The following MYH14 variants were observed in gnomAD, a reference collection of about 807,000 sequenced individuals.
The protein encoded by MYH14 is myosin-14.
In MYH14, 123 loss-of-function variants were observed where a neutral mutation model predicts 255.5. The observed-to-expected ratio is 0.48, with a 90% CI of 0.42 to 0.56. The LOEUF (loss-of-function observed/expected upper bound fraction) is 0.56, where lower values mean the gene tolerates loss of function less well. Among genes scored for constraint, MYH14 ranks in the 20% least tolerant of loss-of-function variants. MYH14 has a pLI of 0.00. For synonymous variants in MYH14, 1,095 were observed against 1,161.2 expected (o/e 0.94, Z 1.16); for missense variants, 2,423 against 2,802.3 (o/e 0.86, Z 3.06).
chr19:50,303,828 G>C (rs2036571131), intron 40 of MYH14, among the ~76,000 whole-genome samples: 1 of 152,144 alleles, frequency 6.6e-6, no homozygotes, highest in Admixed American at 6.5e-5. Context: ...GCAGTAGTAT[G>C]GGGCTGAAAG....
At chr19:50,299,060 C>T (rs1264619449) in intron 39 of MYH14, among the ~76,000 whole-genome samples, 1 of 151,904 alleles carries the variant, frequency 6.6e-6, no homozygotes, top group Non-Finnish European at 1.5e-5. Context: ...CACTGCACTC[C>T]AGTTTGGACA....
Position 50,210,541 on chromosome 19 carries a change from CT to C in MYH14, c.178del (p.Ser60ArgfsTer40). 6.3e-7 allele frequency: 1 copy of C among 1,581,050 alleles called. No individual in the cohort carries two copies. Among genetic ancestry groups the C allele is most frequent in the Admixed American group, 1.8e-5 (1 of 54,978 alleles). ...EWTARRLVWV[P>X]SELHGFEAAA... ...ACGGCCCGGCGTCTCGTGTGGGTGCCTTCGGAGCTTCACGGGTTCGAGGCGG... is the reference window on the plus strand; with the variant it reads ...ACGGCCCGGCGTCTCGTGTGGGTGCCTCGGAGCTTCACGGGTTCGAGGCGG... On this transcript the variant is annotated frameshift_variant, in exon 2 of 43. Transcript: ENST00000642316. LOFTEE classifies it high-confidence loss of function.
chr19:50,261,865 C>T (rs1034157871), intron 21 of MYH14, among the ~76,000 whole-genome samples: 3 of 152,090 alleles, frequency 2.0e-5, no homozygotes, highest in South Asian at 2.1e-4. Context: ...TGGACTTAGC[C>T]GCAGGGTGAC....
At chr19:50,218,127 G>A (rs141316495) in intron 3 of MYH14, among the ~76,000 whole-genome samples, 2,035 of 151,960 alleles carry the variant, frequency 0.013, 34 homozygotes, top group South Asian at 0.044. Context: ...CTCCCAAGTG[G>A]CTGGGACTAC....
Position 50,266,557 on chromosome 19 carries a change from G to GAAAGGAAGGAAGGAAGGGAGGAAA in MYH14, c.2695-302_2695-279dup, listed in dbSNP as rs574856166. Among the ~76,000 whole-genome samples, 11 of 152,076 alleles carry GAAAGGAAGGAAGGAAGGGAGGAAA rather than the reference G, an allele frequency of 7.2e-5. No individual in the cohort carries two copies. The highest frequency in any genetic ancestry group is 1.3e-4 in the Non-Finnish European group (9 of 68,008). ...CTGGGCGAGAGAGCAAGACTCTGTC[G>GAAAGGAAGGAAGGAAGGGAGGAAA]AAAGGAAGGAAGGAAGGGAGGAAAA... On this transcript the variant is annotated intron_variant, in intron 22 of 42. Coordinates refer to ENST00000642316, the MANE Select transcript of MYH14 (RefSeq NM_001145809.2). This position sits in a 1 kb window ranked among gnomAD's most constrained non-coding sequence, Gnocchi z 4.1.
In MYH14 at chr19:50,230,894, C is replaced by T; in HGVS notation, c.973+271C>T. On this transcript the variant is annotated intron_variant, in intron 9 of 42. Coordinates refer to ENST00000642316, the MANE Select transcript of MYH14 (RefSeq NM_001145809.2). The surrounding 1 kb of genome is among the most constrained non-coding windows in gnomAD (Gnocchi z 4.7). Reference sequence around the variant, plus strand: ...CCCCCGCCGCCTGGTGGCTCCTGCTCACGCTCGCTTCCGAAGCTCCGTGGC... The same window carrying T: ...CCCCCGCCGCCTGGTGGCTCCTGCTTACGCTCGCTTCCGAAGCTCCGTGGC... 2.1e-6 allele frequency: 1 copy of T among 466,888 alleles called. No individual in the cohort carries two copies. The highest frequency in any genetic ancestry group is 3.9e-6 in the Non-Finnish European group (1 of 257,100). 28.9% of individuals were successfully genotyped at this position (466,888 alleles called of 1,614,324 possible).
rs918087473 is a variant in MYH14, at chr19:50,221,167, C to T, written c.563-1916C>T. 6.6e-6 allele frequency among the ~76,000 whole-genome samples: 1 copy of T among 152,030 alleles called. No individual in the cohort carries two copies. Among genetic ancestry groups the T allele is most frequent in the African/African-American group, 2.4e-5 (1 of 41,388 alleles). On this transcript the variant is annotated intron_variant, in intron 3 of 42. Coordinates refer to ENST00000642316, the MANE Select transcript of MYH14 (RefSeq NM_001145809.2). The surrounding 1 kb of genome is among the most constrained non-coding windows in gnomAD (Gnocchi z 5.3). ...CTGTGTGTTATATTTCCTCCTGTGC[C>T]GTGCACTGTGCTGAGTGCATTTTGA...
chr19:50,309,322 C>T (rs866116081), intron 42 of MYH14, 145 bp downstream of exon 42: 30 of 801,802 alleles, frequency 3.7e-5, no homozygotes, highest in South Asian at 2.4e-4. Flanking sequence ...GGCTGTGTTG[C>T]GGGAGAGCCA....
chr19:50,207,514 G>A (rs2031877717), intron 1 of MYH14, among the ~76,000 whole-genome samples: 1 of 151,894 alleles, frequency 6.6e-6, no homozygotes, highest in African/African-American at 2.4e-5. Context: ...CCCTAGGCCA[G>A]GAGCTCCTCC....
In MYH14 at chr19:50,309,046, G is replaced by A. The variant is rs748098857; in HGVS notation, c.5829G>A (p.Gln1943=). ...GNLRVKQLKR[Q]LEEAEEEASR... The stretch of plus-strand genomic sequence containing the variant: ...TTCGAGTCAAGCAGCTGAAGCGGCA[G>A]CTGGAGGAGGCCGAGGAGGAGGCAT... Residue 1943 remains glutamine, a synonymous_variant, in exon 42 of 43, where the codon CAG becomes CAA. Coordinates refer to ENST00000642316, the MANE Select transcript of MYH14 (RefSeq NM_001145809.2). 1.9e-6 allele frequency: 3 copies of A among 1,613,624 alleles called. No individual in the cohort carries two copies. Among genetic ancestry groups the A allele is most frequent in the Non-Finnish European group, 2.5e-6 (3 of 1,179,730 alleles).
chr19:50,249,528 T>G, intron 13 of MYH14, 122 bp from the exon 14 acceptor site: 1 of 1,062,802 alleles, frequency 9.4e-7, no homozygotes, highest in South Asian at 1.5e-5. Flanking sequence ...TCTGTCCCCC[T>G]CTCTCTGGGT....
At chr19:50,298,130 C>T (rs866974464) in intron 39 of MYH14, among the ~76,000 whole-genome samples, 2 of 152,040 alleles carry the variant, frequency 1.3e-5, no homozygotes, top group Admixed American at 6.6e-5. Context: ...TTAACAACCA[C>T]GTAGAAATGT....
At chr19:50,233,132 A>G (rs1344445116) in intron 10 of MYH14, among the ~76,000 whole-genome samples, 2 of 151,894 alleles carry the variant, frequency 1.3e-5, no homozygotes, top group African/African-American at 2.4e-5. Flanking sequence ...TTAAATGCTC[A>G]GCTCATCACC....
chr19:50,271,466 A>G lies in MYH14; in HGVS notation c.3091A>G (p.Lys1031Glu), dbSNP rs1470596565. Residue 1031 changes from lysine to glutamate, a missense_variant, in exon 25 of 43, where the codon AAG becomes GAG. Physicochemically the swap from Lys to Glu is moderately conservative, Grantham distance 56. Coordinates refer to ENST00000642316, the MANE Select transcript of MYH14 (RefSeq NM_001145809.2). ...TGCGCGGCAGAAGCTGCAGCTGGAG[A>G]AGGTGACGACAGAGGCAAAAATGAA... ...EGARQKLQLE[K>E]VTTEAKMKKF... 6.2e-7 allele frequency: 1 copy of G among 1,608,370 alleles called. No individual in the cohort carries two copies. The highest frequency in any genetic ancestry group is 1.3e-5 in the African/African-American group (1 of 74,912).
chr19:50,257,523 G>A, intron 18 of MYH14, 37 bp downstream of exon 18: 9 of 1,564,168 alleles, frequency 5.8e-6, no homozygotes, highest in Non-Finnish European at 7.8e-6. Flanking sequence ...GGGTGGCTGT[G>A]GCTGTGGGTT....
intron 42 of MYH14, 184 bp downstream of exon 42, chr19:50,309,361 C>T (rs1221928801): frequency 1.6e-6 from 1 of 643,068 alleles, no homozygotes. Context: ...CTTCCCACAC[C>T]CATTTCTCCC....
intron 30 of MYH14, among the ~76,000 whole-genome samples, chr19:50,278,654 T>A (rs185015782): frequency 1.3e-5 from 2 of 151,896 alleles, no homozygotes; most frequent in Admixed American, 1.3e-4. Flanking sequence ...CAATGAGCTG[T>A]GATTGTGCCA....
At chr19:50,301,166 C>T (rs549272785) in intron 39 of MYH14, among the ~76,000 whole-genome samples, 70 of 152,214 alleles carry the variant, frequency 4.6e-4, no homozygotes, top group African/African-American at 1.6e-3. Context: ...TTATTGAGGC[C>T]GTGTTTCTCA....
intron 1 of MYH14, among the ~76,000 whole-genome samples, chr19:50,208,135 C>T (rs2031923241): frequency 6.6e-6 from 1 of 152,232 alleles, no homozygotes; most frequent in Admixed American, 6.5e-5. Context: ...TACTATCTGG[C>T]CGGGCATGGT....
Sources: gnomAD v4.1 joint callset for allele counts (sites outside exome capture counted in the v4.1 genomes callset) on GRCh38, gnomAD v4.1.1 for gene constraint, Gnocchi (gnomAD v3.1) non-coding constraint, MANE v1.5 for transcripts, NCBI Gene and HGNC (gene_info 2026-07-23, HGNC 2026-07-21) for gene names.